The following CTNND2 variants were observed in gnomAD, a reference collection of about 807,000 sequenced individuals.
The protein encoded by CTNND2 is catenin delta 2, also known as catenin delta-2.
CTNND2 carries 22 observed loss-of-function variants against 144.4 expected under a neutral mutation model. The observed-to-expected ratio is 0.15, with a 90% CI of 0.11 to 0.22. The LOEUF (loss-of-function observed/expected upper bound fraction) is 0.22. Ranked by LOEUF, CTNND2 falls within the 10% of genes least tolerant of loss-of-function variation. The probability of loss-of-function intolerance (pLI) is 1.00; values close to 1 mark genes in which losing one functional copy is unlikely to be tolerated. For synonymous variants in CTNND2, 751 were observed against 695.6 expected, an observed-to-expected ratio of 1.08 and a Z score of -1.25; for missense variants, 1,353 against 1,618.8, an observed-to-expected ratio of 0.84 and a Z score of 2.82.
At chr5:11,533,181 T>C (rs2150057938) in intron 3 of CTNND2, among the ~76,000 whole-genome samples, 1 of 152,352 alleles carries the variant, frequency 6.6e-6, no homozygotes, top group South Asian at 2.1e-4. Context: ...TTTTCAAAAA[T>C]ATTGAATTTC....
intron 11 of CTNND2, among the ~76,000 whole-genome samples, chr5:11,186,668 A>T (rs1268104396): frequency 6.6e-6 from 1 of 152,202 alleles, no homozygotes; most frequent in African/African-American, 2.4e-5. Flanking sequence ...TGTTTCTCAA[A>T]CATGCATGAT....
Position 11,903,715 on chromosome 5 carries a change from G to T in CTNND2, c.37+102C>A. 1 of 1,221,028 alleles carries T rather than the reference G, an allele frequency of 8.2e-7. No homozygotes were observed. Among genetic ancestry groups the T allele is most frequent in the Non-Finnish European group, 1.1e-6 (1 of 933,818 alleles). 75.6% of individuals were successfully genotyped at this position (1,221,028 alleles called of 1,614,324 possible). On this transcript the variant is annotated intron_variant, in intron 1 of 21. Transcript: ENST00000304623. This position sits in a 1 kb window ranked among gnomAD's most constrained non-coding sequence, Gnocchi z 5.4. ...CCCGCAGCAGCCGCCGCCGCCGCCT[G>T]CCGGCCGGGAGCCCAGGACCACCCC...
intron 2 of CTNND2, among the ~76,000 whole-genome samples, chr5:11,568,552 G>A (rs1777308355): frequency 6.6e-6 from 1 of 152,190 alleles, no homozygotes; most frequent in Non-Finnish European, 1.5e-5. Context: ...CTAGAATGGA[G>A]GTTCTCTAAC....
Position 11,117,531 on chromosome 5 carries a change from C to T in CTNND2, c.2196G>A (p.Arg732=). ...VSSAGEEARR[R]MRECDGLTDA... is the part of the protein sequence containing the mutation. ...CCGTAAGCCCATCACACTCTCTCATCCTTCTGCGGGCCTCCTCTCCGGCCG... is the reference window on the plus strand; with the variant it reads ...CCGTAAGCCCATCACACTCTCTCATTCTTCTGCGGGCCTCCTCTCCGGCCG... The change falls in exon 13 of 22, where the codon AGG becomes AGA. Residue 732 remains arginine, a synonymous_variant. Transcript: ENST00000304623. 1.2e-6 allele frequency: 2 copies of T among 1,614,190 alleles called. No individual in the cohort carries two copies. The highest frequency in any genetic ancestry group is 1.3e-5 in the African/African-American group (1 of 75,042).
At chr5:11,247,437 G>A (rs562642715) in intron 9 of CTNND2, among the ~76,000 whole-genome samples, 5 of 152,344 alleles carry the variant, frequency 3.3e-5, no homozygotes, top group African/African-American at 1.2e-4. Context: ...AGTCAAGGAA[G>A]GCCACCTTGT....
intron 1 of CTNND2, among the ~76,000 whole-genome samples, chr5:11,820,538 C>T (rs1440223074): frequency 6.6e-6 from 1 of 152,152 alleles, no homozygotes; most frequent in Non-Finnish European, 1.5e-5. Flanking sequence ...ACTATAGTCC[C>T]AGCTCACAAA....
intron 9 of CTNND2, among the ~76,000 whole-genome samples, chr5:11,271,514 T>C (rs150495762): frequency 4.6e-5 from 7 of 152,258 alleles, no homozygotes; most frequent in Non-Finnish European, 5.9e-5. Flanking sequence ...TCCAAATATA[T>C]GGTCCGCTTT....
chr5:11,397,252 G>A (rs757072992), intron 5 of CTNND2, 49 bp from the exon 6 acceptor site: 24 of 1,510,790 alleles, frequency 1.6e-5, no homozygotes, highest in Non-Finnish European at 2.2e-5. Flanking sequence ...CAGTGAAGCA[G>A]AAATGACATG....
chr5:11,389,500 G>C (rs1759427101), intron 6 of CTNND2, among the ~76,000 whole-genome samples: 1 of 152,090 alleles, frequency 6.6e-6, no homozygotes, highest in Non-Finnish European at 1.5e-5. Context: ...GTGTGTGTGT[G>C]TGTACTTAGT....
chr5:11,039,065 A>G (rs17784968), intron 16 of CTNND2, among the ~76,000 whole-genome samples: 5,960 of 152,306 alleles, frequency 0.039, 155 homozygotes, highest in Non-Finnish European at 0.064. Flanking sequence ...TCAGGGAAAC[A>G]ATCCCAAAGC....
At position 11,364,838 on chromosome 5, in the gene CTNND2, C is replaced by A; in HGVS notation, c.1230G>T (p.Leu410Phe). ...SSQHGHLGPE[L>F]RALQSPEHHI... ...GGTGTTCTGGGGACTGCAGGGCCCG[C>A]AACTCTGGGCCCAGGTGCCCATGCT... The change falls in exon 8 of 22, where the codon TTG becomes TTT. Residue 410 changes from leucine to phenylalanine, a missense_variant. By Grantham distance (22) the Leu-to-Phe change is conservative (BLOSUM62 0). Around this residue, in one of 4 missense-constraint regions of CTNND2, gnomAD observed 708 missense variants for 706.4 expected, o/e 1.00. Coordinates refer to ENST00000304623, the MANE Select transcript of CTNND2 (RefSeq NM_001332.4). 6.2e-7 allele frequency: 1 copy of A among 1,613,660 alleles called. No individual in the cohort carries two copies. Among genetic ancestry groups the A allele is most frequent in the East Asian group, 2.2e-5 (1 of 44,820 alleles).
At chr5:11,419,139 A>AG (rs1377638730) in intron 3 of CTNND2, among the ~76,000 whole-genome samples, 3 of 151,834 alleles carry the variant, frequency 2.0e-5, no homozygotes, top group African/African-American at 7.3e-5. Context: ...GTGGCTCTAC[A>AG]GGGGGTCAGA....
At chr5:11,809,748 A>G (rs1792216007) in intron 1 of CTNND2, among the ~76,000 whole-genome samples, 1 of 152,230 alleles carries the variant, frequency 6.6e-6, no homozygotes, top group African/African-American at 2.4e-5. Context: ...AGGAGAACCA[A>G]AAAACAACTG....
intron 9 of CTNND2, among the ~76,000 whole-genome samples, chr5:11,277,529 T>TATTTATTTATTC (rs752554864): frequency 0.039 from 5,868 of 149,280 alleles, 189 homozygotes; most frequent in Non-Finnish European, 0.06. Context: ...TTTATTTATT[T>TATTTATTTATTC]ATTTATTTAT....
At chr5:11,526,198 G>A (rs1282111537) in intron 3 of CTNND2, among the ~76,000 whole-genome samples, 3 of 152,044 alleles carry the variant, frequency 2.0e-5, no homozygotes, top group Non-Finnish European at 2.9e-5. Flanking sequence ...CACCATGCCC[G>A]GTCTATCTTA....
chr5:11,732,098 T>C, intron 2 of CTNND2, 38 bp downstream of exon 2: 1 of 1,573,100 alleles, frequency 6.4e-7, no homozygotes, highest in Non-Finnish European at 8.7e-7. Flanking sequence ...TTTTAAAATG[T>C]CCCCAAACGC....
chr5:11,022,643 T>C, intron 17 of CTNND2, 126 bp downstream of exon 17: 1 of 736,048 alleles, frequency 1.4e-6, no homozygotes. Context: ...CCATTTTCCT[T>C]CTCTTGATTC....
chr5:11,759,375 G>T (rs1254831645), intron 1 of CTNND2, among the ~76,000 whole-genome samples: 1 of 151,942 alleles, frequency 6.6e-6, no homozygotes, highest in Non-Finnish European at 1.5e-5. Flanking sequence ...ATCAGAATTT[G>T]CTTTTTATAA....
rs572487801 is a variant in CTNND2 at position 11,306,068 on chromosome 5, T to C, written c.1628+40304A>G. On this transcript the variant is annotated intron_variant, in intron 9 of 21. Coordinates refer to ENST00000304623, the MANE Select transcript of CTNND2 (RefSeq NM_001332.4). The stretch of plus-strand genomic sequence containing the variant: ...GTTCTTAAATGTAACAGGAAGACAG[T>C]GAAGAATGTGAGCAGGGGAGTAGCA... Among the ~76,000 whole-genome samples, 15 of 152,284 alleles carry C rather than the reference T, an allele frequency of 9.9e-5. No homozygotes were observed. The East Asian group carries it at 2.9e-3, about 29-fold the overall frequency.
Sources: gnomAD v4.1 joint callset for allele counts (sites outside exome capture counted in the v4.1 genomes callset) on GRCh38, gnomAD v4.1.1 for gene constraint, gnomAD v4.1.1 regional missense constraint, Gnocchi (gnomAD v3.1) non-coding constraint, MANE v1.5 for transcripts, NCBI Gene and HGNC (gene_info 2026-07-23, HGNC 2026-07-21) for gene names.